The following KRR1 variants were observed in gnomAD, a reference collection of about 807,000 sequenced individuals.
KRR1 encodes the protein KRR1 small subunit processome component, also known as KRR1 small subunit processome component homolog.
KRR1 carries 23 observed loss-of-function variants against 50.0 expected under a neutral mutation model. That is an observed-to-expected ratio of 0.46 (90% CI 0.33 to 0.65). The LOEUF (loss-of-function observed/expected upper bound fraction) is 0.65. KRR1 is among the 30% of genes least tolerant of loss of function. The pLI is 0.02. For synonymous variants in KRR1, 133 were observed against 146.3 expected (o/e 0.91, Z 0.66); for missense variants, 419 against 442.4 (o/e 0.95, Z 0.47).
chr12:75,500,614 G>A (rs1241995698), intron 9 of KRR1: 1 of 151,902 alleles, frequency 6.6e-6, no homozygotes, highest in African/African-American at 2.4e-5. Flanking sequence ...AATAATTTGA[G>A]AGTGTGTGGA....
At chr12:75,505,319 A>G in intron 5 of KRR1, 65 bp from the exon 6 acceptor site, 1 of 1,454,844 alleles carries the variant, frequency 6.9e-7, no homozygotes, top group Non-Finnish European at 9.2e-7. Flanking sequence ...GAAGAGGATT[A>G]ATACTGCAAA....
At chr12:75,505,163 A>G (rs2120618868) in intron 6 of KRR1, 35 bp downstream of exon 6, 2 of 1,490,094 alleles carry the variant, frequency 1.3e-6, no homozygotes. Context: ...GAAGTATGAT[A>G]ATCACTGGTA....
chr12:75,501,887 T>C (rs777623101), intron 8 of KRR1, 36 bp downstream of exon 8: 3 of 1,595,544 alleles, frequency 1.9e-6, no homozygotes, highest in Middle Eastern at 1.7e-4. Context: ...TCTATGAACT[T>C]TGCTATTCAT....
Position 75,494,288 on chromosome 12 carries a change from A to G in KRR1, c.*5521T>C. 1 of 152,142 alleles carries G rather than the reference A, an allele frequency of 6.6e-6. No individual in the cohort carries two copies. Among genetic ancestry groups the G allele is most frequent in the East Asian group, 1.9e-4 (1 of 5,186 alleles). 9.4% of individuals were successfully genotyped at this position (152,142 alleles called of 1,614,324 possible). A position where few individuals can be genotyped will look rare whatever the true frequency, so the allele number is the denominator to read the frequency against. ...TTGATTAGAAAATAGTTTTATTTTT[A>G]TTTTCACTAACCTCTATTAAAAATA... On this transcript the variant is annotated 3_prime_UTR_variant, in exon 10 of 10. Coordinates refer to ENST00000229214, the MANE Select transcript of KRR1 (RefSeq NM_007043.7).
At chr12:75,507,856 T>C (rs1296802400) in intron 2 of KRR1, among the ~76,000 whole-genome samples, 1 of 151,944 alleles carries the variant, frequency 6.6e-6, no homozygotes, top group Admixed American at 6.6e-5. Flanking sequence ...TCTAGGGGCA[T>C]AGCATCAGCA....
At chr12:75,502,172 A>G (rs777460574) in intron 7 of KRR1, 172 bp from the exon 8 acceptor site, 4 of 575,892 alleles carry the variant, frequency 6.9e-6, no homozygotes, top group East Asian at 2.9e-5. Flanking sequence ...TACATACACA[A>G]AAGTGTGGAG....
At chr12:75,500,044 C>T (rs2046380835) in intron 9 of KRR1, 93 bp from the exon 10 acceptor site, 1 of 910,028 alleles carries the variant, frequency 1.1e-6, no homozygotes, top group Non-Finnish European at 1.6e-6. Context: ...ATGTTTAAGG[C>T]AGTTAACTTC....
rs2046373078 is a variant in KRR1 at position 75,499,228 on chromosome 12, T to G, written c.*581A>C. 3.3e-6 allele frequency: 1 copy of G among 306,570 alleles called. No homozygotes were observed. Among genetic ancestry groups the G allele is most frequent in the Non-Finnish European group, 5.9e-6 (1 of 168,390 alleles). The allele number at this position is 306,570 out of a possible 1,614,324, so 19.0% of individuals were successfully genotyped here. ...AAGTAACCTAACCCATGTTTCAGCT[T>G]CTAAATCTGCAAAATGAGCAAGGTA... On this transcript the variant is annotated 3_prime_UTR_variant, in exon 10 of 10. Transcript: ENST00000229214.
At position 75,498,929 on chromosome 12, in the gene KRR1, T is replaced by G; in HGVS notation, c.*880A>C. 6.2e-7 allele frequency: 1 copy of G among 1,609,478 alleles called. No individual in the cohort carries two copies. Among genetic ancestry groups the G allele is most frequent in the South Asian group, 1.1e-5 (1 of 90,756 alleles). On this transcript the variant is annotated 3_prime_UTR_variant, in exon 10 of 10. Coordinates refer to ENST00000229214, the MANE Select transcript of KRR1 (RefSeq NM_007043.7). The stretch of plus-strand genomic sequence containing the variant: ...GTAATTCTAATACTGTCTGTTATAA[T>G]TACCATTTTGGTACAGCACAAGTAC...
Position 75,500,075 on chromosome 12 carries a change from T to G in KRR1, c.1004-124A>C, listed in dbSNP as rs1273100487. The G allele has an allele frequency of 5.8e-6, 4 of 694,920 alleles. No individual in the cohort carries two copies. The African/African-American group carries it at 7.6e-5, about 13-fold the overall frequency. 43.0% of individuals were successfully genotyped at this position (694,920 alleles called of 1,614,324 possible). A position where few individuals can be genotyped will look rare whatever the true frequency, so the allele number is the denominator to read the frequency against. Reference sequence around the variant, plus strand: ...ACTTCAGAGTATTCTTATAATTGAATAATTGAAAGGTGATCACAGTATAAA... The same window carrying G: ...ACTTCAGAGTATTCTTATAATTGAAGAATTGAAAGGTGATCACAGTATAAA... On this transcript the variant is annotated intron_variant, in intron 9 of 9. Transcript: ENST00000229214.
chr12:75,499,113 C>T lies in KRR1; in HGVS notation c.*696G>A. The T allele has an allele frequency of 3.9e-6, 2 of 508,550 alleles. No individual in the cohort carries two copies. The highest frequency in any genetic ancestry group is 7.4e-5 in the South Asian group (2 of 26,878). The allele number at this position is 508,550 out of a possible 1,614,324, so 31.5% of individuals were successfully genotyped here. ...TATATGTTATAGCAATACTCTTACT[C>T]AAAAGAAGAAATTTCCTAACTCTAT... On this transcript the variant is annotated 3_prime_UTR_variant, in exon 10 of 10. Coordinates refer to ENST00000229214, the MANE Select transcript of KRR1 (RefSeq NM_007043.7).
chr12:75,506,766 G>A lies in KRR1; in HGVS notation c.393+16C>T, dbSNP rs1191481368. 6.2e-7 allele frequency: 1 copy of A among 1,604,040 alleles called. No individual in the cohort carries two copies. On this transcript the variant is annotated intron_variant, in intron 3 of 9. Coordinates refer to ENST00000229214, the MANE Select transcript of KRR1 (RefSeq NM_007043.7). ...CTGATGCAAACAAAGCAAAGTCTCT[G>A]TAATTCTAGATTTACCTGTTCAAAT...
chr12:75,503,524 G>A (rs531041835), intron 7 of KRR1: 1 of 154,882 alleles, frequency 6.5e-6, no homozygotes, highest in Non-Finnish European at 1.4e-5. Flanking sequence ...TTAGAAAAAC[G>A]GTGGGTGTTA....
At position 75,508,418 on chromosome 12, in the gene KRR1, A is replaced by G; in HGVS notation, c.114T>C (p.Asp38=). 6.2e-7 allele frequency: 1 copy of G among 1,610,094 alleles called. No homozygotes were observed. The highest frequency in any genetic ancestry group is 8.5e-7 in the Non-Finnish European group (1 of 1,178,774). The part of the protein sequence containing the change: ...QDESELLTVP[D]GWKEPAFSKE... ...TGGAAAAAGCTGGTTCCTTCCAACC[A>G]TCAGGAACCGTAAGGAGTTCTGATT... The change falls in exon 2 of 10, where the codon GAT becomes GAC. Residue 38 remains aspartate, a synonymous_variant. Transcript: ENST00000229214.
chr12:75,511,533 T>C lies in KRR1; in HGVS notation c.65A>G (p.Lys22Arg), dbSNP rs2046449131. Residue 22 changes from lysine to arginine, a missense_variant, in exon 1 of 10, where the codon AAG (lysine) becomes AGG (arginine). Coordinates refer to ENST00000229214, the MANE Select transcript of KRR1 (RefSeq NM_007043.7). ...GAGKSEFRNQ[K>R]PKPENQDESE... ...ATCACCTTGGTTCTCCGGCTTCGGC[T>C]TCTGGTTACGAAATTCACTTTTTCC... The C allele has an allele frequency of 1.9e-6, 3 of 1,614,038 alleles. No homozygotes were observed. The highest frequency in any genetic ancestry group is 2.7e-5 in the African/African-American group (2 of 74,944).
Position 75,496,860 on chromosome 12 carries a change from T to G in KRR1, c.*2949A>C, listed in dbSNP as rs2046354795. The G allele has an allele frequency of 6.6e-6, 1 of 152,234 alleles. No homozygotes were observed. The highest frequency in any genetic ancestry group is 6.5e-5 in the Admixed American group (1 of 15,284). 9.4% of individuals were successfully genotyped at this position (152,234 alleles called of 1,614,324 possible). ...CCCATTTAATGTTGAATACTTATCT[T>G]TACATACAGTCGTACTTTTGCAAAG... On this transcript the variant is annotated 3_prime_UTR_variant, in exon 10 of 10. Transcript: ENST00000229214.
chr12:75,508,324 C>T lies in KRR1; in HGVS notation c.208G>A (p.Ala70Thr). The T allele has an allele frequency of 6.2e-7, 1 of 1,613,486 alleles. No individual in the cohort carries two copies. The change falls in exon 2 of 10, where the codon GCT becomes ACT. Residue 70 changes from alanine (A) to threonine (T), a missense_variant. By Grantham distance (58) the Ala-to-Thr change is moderately conservative (BLOSUM62 0). Transcript: ENST00000229214. The part of the protein sequence containing the change: ...FATLFPKYRE[A>T]YLKECWPLVQ... ...AATGGCCAACACTCTTTCAAGTAAG[C>T]TTCCCTGTATTTTGGGAACAAAGTT...
chr12:75,508,430 AAGG>A lies in KRR1; in HGVS notation c.99_101del (p.Leu34del), dbSNP rs778148496. On this transcript the variant is annotated inframe_deletion, in exon 2 of 10. Transcript: ENST00000229214. ...GTTCCTTCCAACCATCAGGAACCGTAAGGAGTTCTGATTCATCTACAGAAAGGA... is the reference window on the plus strand; with the variant it reads ...GTTCCTTCCAACCATCAGGAACCGTAAGTTCTGATTCATCTACAGAAAGGA... The A allele has an allele frequency of 6.2e-7, 1 of 1,604,698 alleles. No individual in the cohort carries two copies. Among genetic ancestry groups the A allele is most frequent in the Non-Finnish European group, 8.5e-7 (1 of 1,177,176 alleles).
intron 9 of KRR1, 99 bp downstream of exon 9, chr12:75,501,624 A>G (rs1175114143): frequency 2.7e-6 from 2 of 751,304 alleles, no homozygotes; most frequent in African/African-American, 3.5e-5. Context: ...AAGAGAACTG[A>G]TGAAAAGATA....
Sources: allele counts gnomAD v4.1 joint callset (sites outside exome capture counted in the v4.1 genomes callset), GRCh38; gene constraint gnomAD v4.1.1; transcripts MANE v1.5; gene names NCBI Gene and HGNC (gene_info 2026-07-23, HGNC 2026-07-21).